DIAPH3: variants seen among roughly 807,000 people sequenced by gnomAD.
DIAPH3 encodes the protein diaphanous related formin 3, also known as protein diaphanous homolog 3.
Under a neutral mutation model 144.3 loss-of-function variants are expected in DIAPH3, and 117 were observed. The ratio of observed to expected loss-of-function variants is 0.81; its 90% CI spans 0.70 to 0.95. The LOEUF is 0.95. Among genes scored for constraint, DIAPH3 ranks in the 40% least tolerant of loss-of-function variants. DIAPH3 has a pLI of 0.00. For missense variants in DIAPH3, 1,421 were observed against 1,412.7 expected (o/e 1.01, Z -0.09); for synonymous variants, 519 against 488.9 (o/e 1.06, Z -0.81).
At chr13:59,710,998 G>A (rs2034704254) in intron 27 of DIAPH3, among the ~76,000 whole-genome samples, 2 of 152,298 alleles carry the variant, frequency 1.3e-5, no homozygotes, top group African/African-American at 2.4e-5. Context: ...TGGCCAAGAA[G>A]CGAGGCTTTA....
At chr13:60,130,856 G>C (rs1213563029) in intron 2 of DIAPH3, among the ~76,000 whole-genome samples, 1 of 152,156 alleles carries the variant, frequency 6.6e-6, no homozygotes, top group Non-Finnish European at 1.5e-5. Context: ...TAAAGGGAGA[G>C]GTGAGGAATG....
At chr13:60,005,703 G>A (rs375927752) in intron 9 of DIAPH3, among the ~76,000 whole-genome samples, 2 of 151,972 alleles carry the variant, frequency 1.3e-5, no homozygotes, top group East Asian at 1.9e-4. Context: ...GGATGGTCTC[G>A]ATCTCCTGAC....
chr13:59,977,088 A>G (rs890491211), intron 14 of DIAPH3, among the ~76,000 whole-genome samples: 5 of 151,782 alleles, frequency 3.3e-5, no homozygotes, highest in African/African-American at 4.8e-5. Context: ...CACACCCGAG[A>G]TATGCCCCCT....
intron 25 of DIAPH3, among the ~76,000 whole-genome samples, chr13:59,798,408 C>T (rs189316425): frequency 3.7e-4 from 57 of 152,270 alleles, no homozygotes; most frequent in Admixed American, 3.1e-3. Flanking sequence ...CATTTCTGCC[C>T]ATAGTTCTAC....
chr13:59,828,495 C>G lies in DIAPH3; in HGVS notation c.3027+4612G>C, dbSNP rs569715185. 8.6e-5 allele frequency among the ~76,000 whole-genome samples: 13 copies of G among 151,878 alleles called. No homozygotes were observed. The East Asian group carries it at 2.5e-3, about 29-fold the overall frequency. ...GCAAACTCTCTGAGCAGCAATGTAC[C>G]TGAAGCTGTTAAAGAACAGGCCTTG... On this transcript the variant is annotated intron_variant, in intron 24 of 27. Coordinates refer to ENST00000400324, the MANE Select transcript of DIAPH3 (RefSeq NM_001042517.2).
chr13:60,027,904 A>T (rs2818944), intron 5 of DIAPH3, among the ~76,000 whole-genome samples: 1 of 152,062 alleles, frequency 6.6e-6, no homozygotes, highest in East Asian at 1.9e-4. Flanking sequence ...CAGGCTTTTC[A>T]CCGCTTGTCC....
At chr13:60,157,628 C>T (rs1382323154) in intron 1 of DIAPH3, among the ~76,000 whole-genome samples, 1 of 152,200 alleles carries the variant, frequency 6.6e-6, no homozygotes, top group African/African-American at 2.4e-5. Flanking sequence ...GTATGGGTCA[C>T]ATTTTCCTGT....
intron 20 of DIAPH3, among the ~76,000 whole-genome samples, chr13:59,890,312 T>C (rs1301288374): frequency 6.6e-6 from 1 of 152,046 alleles, no homozygotes; most frequent in East Asian, 1.9e-4. Context: ...CTGCTAGAAC[T>C]CAAATCTCTG....
At chr13:59,724,777 C>T (rs982700563) in intron 27 of DIAPH3, among the ~76,000 whole-genome samples, 11 of 152,144 alleles carry the variant, frequency 7.2e-5, no homozygotes, top group Non-Finnish European at 5.9e-5. Flanking sequence ...ATAGAAATCA[C>T]CTTCCTAATT....
chr13:59,816,675 G>A (rs945245738), intron 24 of DIAPH3, among the ~76,000 whole-genome samples: 1 of 151,194 alleles, frequency 6.6e-6, no homozygotes, highest in Non-Finnish European at 1.5e-5. Flanking sequence ...TTAAATTTCT[G>A]AAGTCAGATG....
chr13:59,929,397 G>A (rs1293145537), intron 17 of DIAPH3, among the ~76,000 whole-genome samples: 1 of 151,796 alleles, frequency 6.6e-6, no homozygotes, highest in Admixed American at 6.6e-5. Context: ...TTAGTGTCTA[G>A]ATAAGTTATT....
At chr13:59,756,328 C>T (rs2037254847) in intron 27 of DIAPH3, among the ~76,000 whole-genome samples, 1 of 151,386 alleles carries the variant, frequency 6.6e-6, no homozygotes, top group South Asian at 2.1e-4. Flanking sequence ...TAAACATAAA[C>T]TTTAAAAAAG....
intron 4 of DIAPH3, among the ~76,000 whole-genome samples, chr13:60,091,456 C>A (rs991007971): frequency 6.6e-6 from 1 of 151,884 alleles, no homozygotes; most frequent in Non-Finnish European, 1.5e-5. Flanking sequence ...TGCCACCACA[C>A]CCAGCTAATT....
intron 3 of DIAPH3, among the ~76,000 whole-genome samples, chr13:60,105,967 G>A (rs2058407607): frequency 6.6e-6 from 1 of 152,018 alleles, no homozygotes; most frequent in African/African-American, 2.4e-5. Flanking sequence ...TAATAGCTAT[G>A]CATAAATCTT....
intron 24 of DIAPH3, among the ~76,000 whole-genome samples, chr13:59,826,485 G>A (rs934492570): frequency 6.6e-6 from 1 of 150,684 alleles, no homozygotes; most frequent in Non-Finnish European, 1.5e-5. Context: ...GGATGTGAAG[G>A]ACCTCTTCAA....
chr13:59,892,653 T>C (rs543358309), intron 20 of DIAPH3, among the ~76,000 whole-genome samples: 18 of 150,738 alleles, frequency 1.2e-4, no homozygotes, highest in Non-Finnish European at 2.2e-4. Context: ...AGAATAAGAG[T>C]GAATAAGTCA....
At chr13:59,956,150 A>T (rs1006331104) in intron 17 of DIAPH3, among the ~76,000 whole-genome samples, 1 of 152,236 alleles carries the variant, frequency 6.6e-6, no homozygotes, top group East Asian at 1.9e-4. Flanking sequence ...TCATTTTCTG[A>T]GGAGAAATTC....
intron 27 of DIAPH3, among the ~76,000 whole-genome samples, chr13:59,755,059 T>C (rs1157554941): frequency 6.6e-6 from 1 of 152,242 alleles, no homozygotes; most frequent in Non-Finnish European, 1.5e-5. Flanking sequence ...GTTCAATGTT[T>C]AGTTTTTCTG....
intron 27 of DIAPH3, among the ~76,000 whole-genome samples, chr13:59,694,885 C>T (rs1048676893): frequency 1.3e-5 from 2 of 151,966 alleles, no homozygotes; most frequent in African/African-American, 2.4e-5. Context: ...GCAAAAAATA[C>T]GCAACCACCT....
Sources: gnomAD v4.1 joint callset for allele counts (sites outside exome capture counted in the v4.1 genomes callset) on GRCh38, gnomAD v4.1.1 for gene constraint, MANE v1.5 for transcripts, NCBI Gene and HGNC (gene_info 2026-07-23, HGNC 2026-07-21) for gene names.